The following ATG7 variants were observed in gnomAD, a reference collection of about 807,000 sequenced individuals.
ATG7 encodes the protein ubiquitin-like modifier-activating enzyme ATG7.
A neutral mutation model predicts 82.4 loss-of-function variants in ATG7; 70 were observed. That is an observed-to-expected ratio of 0.85 (90% confidence interval 0.70 to 1.04). The LOEUF (loss-of-function observed/expected upper bound fraction) is 1.04. Ranked by LOEUF, ATG7 falls within the 50% of genes least tolerant of loss-of-function variation. The pLI is 0.00. For missense variants in ATG7, 792 were observed against 864.3 expected (o/e 0.92, Z 1.05); for synonymous variants, 287 against 313.0 (o/e 0.92, Z 0.88).
chr3:11,511,871 G>A (rs1251439434), intron 20 of ATG7, among the ~76,000 whole-genome samples: 2 of 152,156 alleles, frequency 1.3e-5, no homozygotes, highest in South Asian at 2.1e-4. Context: ...GGGCCAGCAG[G>A]GCTGGCTGGC....
chr3:11,564,957 T>C, the ATG7 span: 8 of 1,560,166 alleles, frequency 5.1e-6, no homozygotes, highest in African/African-American at 6.9e-5. Context: ...CACAGCGCGC[T>C]CGATGGGGCT....
intron 19 of ATG7, among the ~76,000 whole-genome samples, chr3:11,422,904 G>A (rs1052951348): frequency 2.0e-5 from 3 of 151,838 alleles, no homozygotes; most frequent in Non-Finnish European, 2.9e-5. Flanking sequence ...ACAGGCGTGC[G>A]CCACTATGCC....
intron 14 of ATG7, among the ~76,000 whole-genome samples, chr3:11,353,723 T>G (rs1026636734): frequency 1.3e-5 from 2 of 152,212 alleles, no homozygotes; most frequent in African/African-American, 4.8e-5. Context: ...CCTTGCCATG[T>G]GATGCATCTG....
At chr3:11,368,825 T>C (rs1371478101) in intron 18 of ATG7, among the ~76,000 whole-genome samples, 1 of 150,846 alleles carries the variant, frequency 6.6e-6, no homozygotes, top group African/African-American at 2.5e-5. Context: ...TTTATCCCAC[T>C]TGTGGACCAA....
intron 20 of ATG7, among the ~76,000 whole-genome samples, chr3:11,512,564 A>G (rs1338424050): frequency 1.3e-5 from 2 of 152,196 alleles, no homozygotes; most frequent in Non-Finnish European, 2.9e-5. Context: ...GGACCGTCGC[A>G]GTGAGTGTTA....
At chr3:11,561,416 C>A (rs75609208), downstream of ATG7, among the ~76,000 whole-genome samples, 3 of 152,144 alleles carry the variant, frequency 2.0e-5, no homozygotes, top group African/African-American at 7.2e-5. Context: ...TGAGCTGGGG[C>A]GAATTGCCTT....
chr3:11,500,851 G>A lies in ATG7; in HGVS notation c.2080-53960G>A, dbSNP rs546077686. ...TCACCATGTTGGCCAAGATGTTCTC[G>A]ATCTCCTGACCTTGTGATCTGCCCA... On this transcript the variant is annotated intron_variant, in intron 20 of 20. Transcript: ENST00000693202. Among the ~76,000 whole-genome samples, 225 of 152,288 alleles carry A rather than the reference G, an allele frequency of 1.5e-3. 1 individual carries two copies. The Middle Eastern group carries it at 0.027, about 18-fold the overall frequency.
rs2076227745 is a variant in ATG7 at position 11,360,652 on chromosome 3, GC to G, written c.1552del (p.Gln518LysfsTer57). ...MRHGLKKPKQ[Q>X]GAGDLCPNHP... ...GACATGGTCTGAAGAAACCAAAGCAGCAAGGAGCTGGGGACTTGTGTCCAAA... is the reference window on the plus strand; with the variant it reads ...GACATGGTCTGAAGAAACCAAAGCAGAAGGAGCTGGGGACTTGTGTCCAAA... On this transcript the variant is annotated frameshift_variant, in exon 16 of 21. Coordinates refer to ENST00000693202, the MANE Select transcript of ATG7 (RefSeq NM_001349232.2). LOFTEE classifies it high-confidence loss of function. 1.2e-6 allele frequency: 2 copies of G among 1,614,194 alleles called. No individual in the cohort carries two copies. Among genetic ancestry groups the G allele is most frequent in the Non-Finnish European group, 1.7e-6 (2 of 1,180,034 alleles).
intron 15 of ATG7, among the ~76,000 whole-genome samples, chr3:11,360,193 A>G (rs2152810878): frequency 6.6e-6 from 1 of 152,302 alleles, no homozygotes; most frequent in South Asian, 2.1e-4. Context: ...CTACTGGCGC[A>G]AGCCATCATG....
intron 9 of ATG7, among the ~76,000 whole-genome samples, chr3:11,327,625 C>A (rs1272047863): frequency 6.6e-6 from 1 of 152,184 alleles, no homozygotes; most frequent in Admixed American, 6.5e-5. Context: ...TTAGAATCAC[C>A]TGAGGATCTT....
intron 19 of ATG7, among the ~76,000 whole-genome samples, chr3:11,424,133 T>G (rs2082168525): frequency 6.6e-6 from 1 of 152,056 alleles, no homozygotes; most frequent in Non-Finnish European, 1.5e-5. Flanking sequence ...TGCTGCAGCT[T>G]TGCTCAACCT....
At chr3:11,574,795 G>A in the ATG7 span, among the ~76,000 whole-genome samples, 5 of 119,964 alleles carry the variant, frequency 4.2e-5, no homozygotes, top group East Asian at 4.1e-4. Context: ...ATGTGTGTGT[G>A]TGTGTGTGTG....
chr3:11,431,961 C>A (rs2082933025), intron 20 of ATG7, among the ~76,000 whole-genome samples: 1 of 152,160 alleles, frequency 6.6e-6, no homozygotes, highest in South Asian at 2.1e-4. Flanking sequence ...TGCACTCATC[C>A]CCTGTCCATC....
intron 13 of ATG7, among the ~76,000 whole-genome samples, chr3:11,343,988 C>G (rs144702827): frequency 2.0e-5 from 3 of 152,180 alleles, no homozygotes; most frequent in Admixed American, 2.0e-4. Context: ...TTTTCAGTAG[C>G]ATTTTCTTTA....
Position 11,364,684 on chromosome 3 carries a change from G to A in ATG7, c.1825G>A (p.Asp609Asn). 1 of 1,614,172 alleles carries A rather than the reference G, an allele frequency of 6.2e-7. No individual in the cohort carries two copies. Among genetic ancestry groups the A allele is most frequent in the Non-Finnish European group, 8.5e-7 (1 of 1,180,018 alleles). ...GGGCTATGCCATTGCCAGCAGCAGT[G>A]ACGATCGGATGAATGAGCCTCCAAC... ...EGGYAIASSS[D>N]DRMNEPPTSL... The change falls in exon 18 of 21, where the codon GAC (aspartate) becomes AAC (asparagine). Residue 609 changes from aspartate (D) to asparagine (N), a missense_variant. Asp to Asn is a conservative substitution (Grantham distance 23, BLOSUM62 1). Coordinates refer to ENST00000693202, the MANE Select transcript of ATG7 (RefSeq NM_001349232.2).
chr3:11,535,955 G>A (rs1331680491), intron 20 of ATG7, among the ~76,000 whole-genome samples: 7 of 152,212 alleles, frequency 4.6e-5, no homozygotes, highest in South Asian at 4.1e-4. Context: ...ATGACGCAGC[G>A]TTGCCTGCCA....
At chr3:11,291,456 C>G (rs907423089) in intron 3 of ATG7, among the ~76,000 whole-genome samples, 2 of 152,068 alleles carry the variant, frequency 1.3e-5, no homozygotes, top group African/African-American at 4.8e-5. Flanking sequence ...GCTAGCAGAC[C>G]CGGGTTATCA....
At position 11,408,709 on chromosome 3, in the gene ATG7, G is replaced by A. The variant is rs547585275; in HGVS notation, c.1957-18095G>A. Among the ~76,000 whole-genome samples the A allele has an allele frequency of 2.1e-4, 32 of 152,258 alleles. No homozygotes were observed. The South Asian group carries it at 3.5e-3, about 17-fold the overall frequency. On this transcript the variant is annotated intron_variant, in intron 19 of 20. Transcript: ENST00000693202. ...TACAGGGGAACGCCTCGTTAAAACTGCCATATCTTGTGTGACCCATTAACT... is the reference window on the plus strand; with the variant it reads ...TACAGGGGAACGCCTCGTTAAAACTACCATATCTTGTGTGACCCATTAACT...
chr3:11,468,790 G>A (rs2087102699), intron 20 of ATG7, among the ~76,000 whole-genome samples: 1 of 152,206 alleles, frequency 6.6e-6, no homozygotes, highest in African/African-American at 2.4e-5. Context: ...ATTATGGGCA[G>A]CCAGGGAGGC....
Sources: allele counts gnomAD v4.1 joint callset (sites outside exome capture counted in the v4.1 genomes callset), GRCh38; gene constraint gnomAD v4.1.1; transcripts MANE v1.5; gene names NCBI Gene and HGNC (gene_info 2026-07-23, HGNC 2026-07-21).